PIK3C2G: variants seen among roughly 807,000 people sequenced by gnomAD.
The protein encoded by PIK3C2G is phosphatidylinositol 3-kinase C2 domain-containing subunit gamma.
A neutral mutation model predicts 181.1 loss-of-function variants in PIK3C2G; 168 were observed. The observed-to-expected ratio is 0.93, with a 90% CI of 0.82 to 1.05. The LOEUF is 1.05. PIK3C2G is among the 50% of genes least tolerant of loss of function. The probability of loss-of-function intolerance (pLI) is 0.00; values close to 1 mark genes in which losing one functional copy is unlikely to be tolerated. For synonymous variants in PIK3C2G, 573 were observed against 592.2 expected (o/e 0.97, Z 0.47); for missense variants, 1,869 against 1,732.8 (o/e 1.08, Z -1.40).
At chr12:18,584,338 A>T (rs1946666265) in intron 29 of PIK3C2G, among the ~76,000 whole-genome samples, 1 of 152,212 alleles carries the variant, frequency 6.6e-6, no homozygotes, top group Admixed American at 6.5e-5. Flanking sequence ...CAGTATTTTT[A>T]AAAACCCTAA....
chr12:18,655,741 C>A, the PIK3C2G span, among the ~76,000 whole-genome samples: 7 of 78,790 alleles, frequency 8.9e-5, no homozygotes, highest in African/African-American at 1.8e-4. Flanking sequence ...ACAGCCCCAA[C>A]CTTATCATGA....
the PIK3C2G span, among the ~76,000 whole-genome samples, chr12:18,703,920 T>G: frequency 2.6e-5 from 4 of 152,240 alleles, no homozygotes; most frequent in East Asian, 5.8e-4. Context: ...AATATTGTTA[T>G]GTCTAGCAAA....
upstream of PIK3C2G, among the ~76,000 whole-genome samples, chr12:18,260,059 C>G (rs571099443): frequency 2.0e-5 from 3 of 152,088 alleles, no homozygotes; most frequent in East Asian, 5.8e-4. Context: ...TTTTTGTACC[C>G]TTTCTTGTTA....
At chr12:18,258,891 A>G (rs74068680), upstream of PIK3C2G, among the ~76,000 whole-genome samples, 9 of 152,230 alleles carry the variant, frequency 5.9e-5, no homozygotes, top group African/African-American at 2.2e-4. Context: ...CTATTGATTC[A>G]TTTTTTCCCT....
chr12:18,385,072 G>A (rs879581325), intron 14 of PIK3C2G, among the ~76,000 whole-genome samples: 9 of 152,106 alleles, frequency 5.9e-5, no homozygotes, highest in Non-Finnish European at 1.2e-4. Flanking sequence ...GTTAGTATGA[G>A]TCTCGGGGAA....
upstream of PIK3C2G, among the ~76,000 whole-genome samples, chr12:18,261,383 T>A (rs1236442056): frequency 6.6e-6 from 1 of 152,140 alleles, no homozygotes; most frequent in Non-Finnish European, 1.5e-5. Flanking sequence ...CTTTTTTCTT[T>A]TTTTTTCCAT....
chr12:18,325,096 C>G lies in PIK3C2G; in HGVS notation c.1270C>G (p.Gln424Glu). 1 of 1,525,948 alleles carries G rather than the reference C, an allele frequency of 6.6e-7. No homozygotes were observed. Among genetic ancestry groups the G allele is most frequent in the Non-Finnish European group, 9.1e-7 (1 of 1,103,946 alleles). 94.5% of individuals were successfully genotyped at this position (1,525,948 alleles called of 1,614,324 possible). ...DFHLKYLLKT[Q>E]ENVYNIIEEV... ...CCACCTGAAATACCTATTGAAAACCCAGGTATTGACTTTTGTTACTTTATC... is the reference window on the plus strand; with the variant it reads ...CCACCTGAAATACCTATTGAAAACCGAGGTATTGACTTTTGTTACTTTATC... The change falls in exon 8 of 33, where the codon CAG becomes GAG. Residue 424 changes from glutamine to glutamate, a missense_variant and splice_region_variant. Transcript: ENST00000538779.
chr12:18,444,374 T>A (rs1946912627), intron 18 of PIK3C2G, among the ~76,000 whole-genome samples: 1 of 152,196 alleles, frequency 6.6e-6, no homozygotes, highest in African/African-American at 2.4e-5. Flanking sequence ...TTTTTAGTCT[T>A]ACATGTATGT....
intron 26 of PIK3C2G, among the ~76,000 whole-genome samples, chr12:18,561,723 A>G (rs1945354470): frequency 6.6e-6 from 1 of 152,034 alleles, no homozygotes; most frequent in East Asian, 1.9e-4. Flanking sequence ...TTATTACACC[A>G]TTAGAATGCA....
chr12:18,683,658 C>A, the PIK3C2G span: 2 of 1,320,268 alleles, frequency 1.5e-6, no homozygotes, highest in Non-Finnish European at 2.0e-6. Context: ...CATATTGAGA[C>A]AAGGTAATTG....
chr12:18,722,723 G>A, the PIK3C2G span, among the ~76,000 whole-genome samples: 10 of 151,978 alleles, frequency 6.6e-5, no homozygotes, highest in Middle Eastern at 3.2e-3. Flanking sequence ...ATGACAGATC[G>A]TTAGCCTAAA....
intron 18 of PIK3C2G, among the ~76,000 whole-genome samples, chr12:18,435,133 A>G (rs1452539276): frequency 3.3e-5 from 5 of 152,090 alleles, no homozygotes; most frequent in Admixed American, 1.3e-4. Context: ...CCATTCCCAA[A>G]CTTTTAAAAA....
intron 5 of PIK3C2G, among the ~76,000 whole-genome samples, chr12:18,311,530 GGTGT>G (rs150381184): frequency 3.8e-4 from 56 of 148,672 alleles, no homozygotes; most frequent in Non-Finnish European, 6.0e-4. Context: ...GGTATAAAGG[GGTGT>G]GTGTGTGTGT....
Position 18,424,639 on chromosome 12 carries a change from C to T in PIK3C2G, c.2504+600C>T, listed in dbSNP as rs541670863. On this transcript the variant is annotated intron_variant, in intron 18 of 32. Transcript: ENST00000538779. Reference sequence around the variant, plus strand: ...CAGAACTTAGCTTCTGTACATCAACCCCACTATTCCTTCACACACCGAATT... The same window carrying T: ...CAGAACTTAGCTTCTGTACATCAACTCCACTATTCCTTCACACACCGAATT... 47 of 189,494 alleles carry T rather than the reference C, an allele frequency of 2.5e-4. 1 individual carries two copies. The Middle Eastern group carries it at 0.012, about 47-fold the overall frequency. The allele number at this position is 189,494 out of a possible 1,614,324, so 11.7% of individuals were successfully genotyped here.
intron 29 of PIK3C2G, among the ~76,000 whole-genome samples, chr12:18,584,585 A>C (rs1946677231): frequency 6.6e-6 from 1 of 152,150 alleles, no homozygotes; most frequent in South Asian, 2.1e-4. Context: ...TCTCTGAAGG[A>C]ATCGGGAGAA....
chr12:18,365,097 C>A (rs1941544789), intron 12 of PIK3C2G, among the ~76,000 whole-genome samples: 3 of 152,168 alleles, frequency 2.0e-5, no homozygotes, highest in African/African-American at 7.2e-5. Flanking sequence ...AGTTCTGATA[C>A]TTACTGATTA....
At chr12:18,440,442 G>A (rs990030655) in intron 18 of PIK3C2G, among the ~76,000 whole-genome samples, 19 of 151,976 alleles carry the variant, frequency 1.3e-4, no homozygotes, top group African/African-American at 4.6e-4. Flanking sequence ...AAACAAGTAG[G>A]AAACATAAAA....
chr12:18,592,638 G>T (rs1325552846), intron 29 of PIK3C2G, among the ~76,000 whole-genome samples: 2 of 151,864 alleles, frequency 1.3e-5, no homozygotes, highest in African/African-American at 2.4e-5. Context: ...TCAGGGAAGA[G>T]AAAAATAACA....
intron 8 of PIK3C2G, among the ~76,000 whole-genome samples, chr12:18,334,493 G>A (rs939046254): frequency 7.9e-5 from 12 of 151,870 alleles, no homozygotes; most frequent in African/African-American, 2.9e-4. Context: ...CTACCTTCAC[G>A]TTGATGTCTA....
Sources: allele counts gnomAD v4.1 joint callset (sites outside exome capture counted in the v4.1 genomes callset), GRCh38; gene constraint gnomAD v4.1.1; transcripts MANE v1.5; gene names NCBI Gene and HGNC (gene_info 2026-07-23, HGNC 2026-07-21).